OCIAD1: variants seen among roughly 807,000 people sequenced by gnomAD.
OCIAD1 encodes the protein OCIA domain-containing protein 1.
In OCIAD1, 29 loss-of-function variants were observed where a neutral mutation model predicts 38.9. That is an observed-to-expected ratio of 0.74 (90% CI 0.55 to 1.02). OCIAD1 has a LOEUF of 1.02. OCIAD1 is among the 50% of genes least tolerant of loss of function. The pLI, the probability that OCIAD1 is intolerant of heterozygous loss-of-function variation, is 0.00. For missense variants in OCIAD1, 288 were observed against 289.6 expected (o/e 0.99, Z 0.04); for synonymous variants, 110 against 92.0 (o/e 1.20, Z -1.12).
At chr4:48,840,095 G>C (rs1778383846) in intron 3 of OCIAD1, among the ~76,000 whole-genome samples, 2 of 152,208 alleles carry the variant, frequency 1.3e-5, no homozygotes. Flanking sequence ...GAGTTGGAAT[G>C]AGACCTTAGG....
Position 48,859,630 on chromosome 4 carries a change from T to A in OCIAD1, c.701-1095T>A, listed in dbSNP as rs1344749097. On this transcript the variant is annotated intron_variant, in intron 8 of 8. Transcript: ENST00000264312. ...ACAAGAATGTGAAATGATTTTTTCT[T>A]TTTTTGGGAAAAGCTGGTTTTTTGT... 2.0e-5 allele frequency among the ~76,000 whole-genome samples: 3 copies of A among 152,182 alleles called. No homozygotes were observed. The East Asian group carries it at 5.8e-4, about 29-fold the overall frequency.
chr4:48,829,780 A>G (rs1028201059), upstream of OCIAD1, among the ~76,000 whole-genome samples: 2 of 152,200 alleles, frequency 1.3e-5, no homozygotes, highest in African/African-American at 4.8e-5. Context: ...ACTAATACTG[A>G]TTATCTCAGG....
At chr4:48,844,182 A>T (rs948257818) in intron 4 of OCIAD1, among the ~76,000 whole-genome samples, 3 of 152,210 alleles carry the variant, frequency 2.0e-5, no homozygotes, top group African/African-American at 7.2e-5. Flanking sequence ...CTATTGGGAG[A>T]GGCAATCAGG....
intron 1 of OCIAD1, among the ~76,000 whole-genome samples, chr4:48,820,452 A>G (rs964411923): frequency 6.6e-6 from 1 of 152,244 alleles, no homozygotes; most frequent in Non-Finnish European, 1.5e-5. Flanking sequence ...GAAAGCTGGA[A>G]AGGTCTAAAA....
At chr4:48,817,417 C>G (rs1442597579) in intron 1 of OCIAD1, among the ~76,000 whole-genome samples, 1 of 151,944 alleles carries the variant, frequency 6.6e-6, no homozygotes, top group Non-Finnish European at 1.5e-5. Context: ...AGCCGGGTTA[C>G]TACACTTTTT....
chr4:48,831,422 G>A, intron 1 of OCIAD1, 173 bp downstream of exon 1: 1 of 1,142,510 alleles, frequency 8.8e-7, no homozygotes, highest in Non-Finnish European at 1.2e-6. Flanking sequence ...GCGACGGAGT[G>A]CTTCTGGGGG....
chr4:48,816,536 GA>G (rs34578790), intron 1 of OCIAD1, among the ~76,000 whole-genome samples: 31,498 of 132,664 alleles, frequency 0.24, 3,433 homozygotes, highest in East Asian at 0.46. Context: ...CGTCTAAAAG[GA>G]AAAAAAAAAA....
intron 3 of OCIAD1, among the ~76,000 whole-genome samples, chr4:48,839,006 A>T (rs965207889): frequency 2.6e-4 from 40 of 152,374 alleles, no homozygotes; most frequent in African/African-American, 9.1e-4. Flanking sequence ...AGTTTATTGC[A>T]TATTCATGTT....
chr4:48,812,266 G>C (rs1181119568), intron 1 of OCIAD1, among the ~76,000 whole-genome samples: 2 of 99,964 alleles, frequency 2.0e-5, no homozygotes, highest in African/African-American at 3.9e-5. Flanking sequence ...CTGGGCAACA[G>C]AGTGAGAGTT....
At chr4:48,805,710 A>C (rs1777017622) in intron 1 of OCIAD1, among the ~76,000 whole-genome samples, 1 of 151,734 alleles carries the variant, frequency 6.6e-6, no homozygotes, top group African/African-American at 2.4e-5. Flanking sequence ...ATTATCAGAA[A>C]TCTCTCTTGT....
intron 6 of OCIAD1, among the ~76,000 whole-genome samples, chr4:48,850,654 A>G (rs61140779): frequency 0.017 from 2,619 of 152,036 alleles, 74 homozygotes; most frequent in African/African-American, 0.059. Context: ...GCTCACTGCA[A>G]CCTCTGCCTC....
chr4:48,821,418 T>C (rs745431518), intron 1 of OCIAD1, among the ~76,000 whole-genome samples: 1 of 152,196 alleles, frequency 6.6e-6, no homozygotes, highest in Non-Finnish European at 1.5e-5. Context: ...ATAAGAGCTA[T>C]TTATGACAAA....
At chr4:48,806,538 G>A (rs1420304348) in intron 1 of OCIAD1, among the ~76,000 whole-genome samples, 1 of 152,098 alleles carries the variant, frequency 6.6e-6, no homozygotes, top group East Asian at 1.9e-4. Context: ...CACAGAATAA[G>A]ATTGATTTGG....
upstream of OCIAD1, among the ~76,000 whole-genome samples, chr4:48,826,547 G>T (rs779344906): frequency 3.3e-5 from 5 of 152,024 alleles, no homozygotes; most frequent in East Asian, 7.7e-4. Flanking sequence ...CTCTTTAGTG[G>T]TTCTTTCCCT....
intron 7 of OCIAD1, chr4:48,852,239 T>C (rs1187951874): frequency 6.1e-6 from 2 of 325,466 alleles, no homozygotes; most frequent in Non-Finnish European, 1.1e-5. Flanking sequence ...TTAGAAGATA[T>C]AGAAATACAA....
At position 48,850,002 on chromosome 4, in the gene OCIAD1, A is replaced by G. The variant is rs1779287442; in HGVS notation, c.297A>G (p.Gln99=). The change falls in exon 6 of 9, where the codon CAA becomes CAG. Residue 99 remains glutamine, a synonymous_variant. Coordinates refer to ENST00000264312, the MANE Select transcript of OCIAD1 (RefSeq NM_017830.4). The part of the protein sequence containing the change: ...AGKLSYVKTC[Q]EKFKKLENSP... ...AACTTTCTTATGTGAAAACTTGCCAAGAGAAATTCAAGAAACTTGAAAATT... is the reference window on the plus strand; with the variant it reads ...AACTTTCTTATGTGAAAACTTGCCAGGAGAAATTCAAGAAACTTGAAAATT... 6.2e-7 allele frequency: 1 copy of G among 1,613,588 alleles called. No homozygotes were observed. Among genetic ancestry groups the G allele is most frequent in the Admixed American group, 1.7e-5 (1 of 59,948 alleles).
At chr4:48,822,794 C>T (rs1334303928) in intron 1 of OCIAD1, among the ~76,000 whole-genome samples, 3 of 152,196 alleles carry the variant, frequency 2.0e-5, no homozygotes, top group Non-Finnish European at 4.4e-5. Flanking sequence ...AAAAAATGCT[C>T]ATCATCACTG....
rs543918491 is a variant in OCIAD1 at position 48,842,501 on chromosome 4, G to A, written c.140-135G>A. On this transcript the variant is annotated intron_variant, in intron 3 of 8. Transcript: ENST00000264312. ...TGTATACAGTACAGCTTTTAAAAATGGAACAGTCTTTTTTAAAGGTCTTAG... is the reference window on the plus strand; with the variant it reads ...TGTATACAGTACAGCTTTTAAAAATAGAACAGTCTTTTTTAAAGGTCTTAG... The A allele has an allele frequency of 6.8e-5, 43 of 629,474 alleles. No individual in the cohort carries two copies. In the African/African-American group the frequency reaches 7.6e-4, roughly 11 times the overall value. 39.0% of individuals were successfully genotyped at this position (629,474 alleles called of 1,614,324 possible).
intron 7 of OCIAD1, among the ~76,000 whole-genome samples, chr4:48,855,191 A>G (rs1367658776): frequency 1.3e-5 from 2 of 152,216 alleles, no homozygotes; most frequent in African/African-American, 2.4e-5. Flanking sequence ...CCAGGATTCA[A>G]AGAAGCTTAG....
Sources: gnomAD v4.1 joint callset for allele counts (sites outside exome capture counted in the v4.1 genomes callset) on GRCh38, gnomAD v4.1.1 for gene constraint, MANE v1.5 for transcripts, NCBI Gene and HGNC (gene_info 2026-07-23, HGNC 2026-07-21) for gene names.